Variants in CNTNAP5 observed in about 807,000 individuals in gnomAD.
CNTNAP5 encodes contactin associated protein family member 5.
In CNTNAP5, 72 loss-of-function variants were observed where a neutral mutation model predicts 150.2. The observed-to-expected ratio is 0.48, with a 90% CI of 0.40 to 0.58. The LOEUF (loss-of-function observed/expected upper bound fraction) is 0.58, where lower values mean the gene tolerates loss of function less well. Ranked by LOEUF, CNTNAP5 falls within the 20% of genes least tolerant of loss-of-function variation. The pLI, the probability that CNTNAP5 is intolerant of heterozygous loss-of-function variation, is 0.00. For synonymous variants in CNTNAP5, 672 were observed against 619.8 expected, an observed-to-expected ratio of 1.08 and a Z score of -1.25; for missense variants, 1,636 against 1,626.2, an observed-to-expected ratio of 1.01 and a Z score of -0.10.
chr2:124,625,354 C>A (rs1174518221), intron 12 of CNTNAP5, among the ~76,000 whole-genome samples: 1 of 152,050 alleles, frequency 6.6e-6, no homozygotes, highest in East Asian at 1.9e-4. Flanking sequence ...TTTTCTAAAG[C>A]ATGAGCTGGG....
intron 7 of CNTNAP5, among the ~76,000 whole-genome samples, chr2:124,488,892 T>C (rs1031138282): frequency 6.6e-6 from 1 of 152,108 alleles, no homozygotes; most frequent in Non-Finnish European, 1.5e-5. Flanking sequence ...TGCCTGGAGA[T>C]AGAGTGTTTG....
At chr2:124,470,394 T>C (rs1051759488) in intron 6 of CNTNAP5, among the ~76,000 whole-genome samples, 3 of 152,088 alleles carry the variant, frequency 2.0e-5, no homozygotes, top group African/African-American at 7.2e-5. Context: ...TGTTCATGTC[T>C]TTTGCCCCAC....
chr2:124,434,121 C>G (rs1377231693), intron 4 of CNTNAP5, among the ~76,000 whole-genome samples: 1 of 152,174 alleles, frequency 6.6e-6, no homozygotes, highest in Non-Finnish European at 1.5e-5. Flanking sequence ...GTGGTTCTGA[C>G]TGTCAGGAAG....
At chr2:124,361,748 A>T (rs2104715674) in intron 3 of CNTNAP5, among the ~76,000 whole-genome samples, 1 of 152,000 alleles carries the variant, frequency 6.6e-6, no homozygotes, top group Admixed American at 6.5e-5. Context: ...TGCAGAGGTT[A>T]CTACTGTCTT....
At position 124,500,601 on chromosome 2, in the gene CNTNAP5, G is replaced by A. The variant is rs746829174; in HGVS notation, c.1063-3691G>A. Among the ~76,000 whole-genome samples the A allele has an allele frequency of 6.6e-5, 10 of 152,078 alleles. No individual in the cohort carries two copies. The East Asian group carries it at 9.6e-4, about 15-fold the overall frequency. On this transcript the variant is annotated intron_variant, in intron 7 of 23. Transcript: ENST00000682447. ...AATTCTTGCTAAAACTGGAAAAAAC[G>A]GGACATGGACAGAGCCCAACATCAC... is the stretch of plus-strand genomic sequence containing the variant.
At chr2:124,245,046 T>G (rs1221971902) in intron 3 of CNTNAP5, among the ~76,000 whole-genome samples, 2 of 152,204 alleles carry the variant, frequency 1.3e-5, no homozygotes, top group African/African-American at 4.8e-5. Flanking sequence ...TTTTTATTTT[T>G]TGATTTTCAC....
chr2:124,665,042 C>T (rs933789025), intron 13 of CNTNAP5, among the ~76,000 whole-genome samples: 9 of 152,058 alleles, frequency 5.9e-5, no homozygotes, highest in Non-Finnish European at 1.3e-4. Flanking sequence ...GTAATTGGTG[C>T]ATAGCCTTAA....
chr2:124,493,536 T>C (rs1025570681), intron 7 of CNTNAP5, among the ~76,000 whole-genome samples: 2 of 151,922 alleles, frequency 1.3e-5, no homozygotes, highest in Admixed American at 1.3e-4. Context: ...GAGACGGGGT[T>C]TCACCATGTT....
Position 124,420,022 on chromosome 2 carries a change from C to T in CNTNAP5, c.529+2432C>T, listed in dbSNP as rs186521458. ...TTTTTTTTTTTTTGAGATGGAGCCTCGCTCTCTTGCCCAGGCTGGAGTGCA... is the reference window on the plus strand; with the variant it reads ...TTTTTTTTTTTTTGAGATGGAGCCTTGCTCTCTTGCCCAGGCTGGAGTGCA... On this transcript the variant is annotated intron_variant, in intron 4 of 23. Transcript: ENST00000682447. Among the ~76,000 whole-genome samples the T allele has an allele frequency of 9.7e-5, 11 of 113,012 alleles. No individual in the cohort carries two copies. In the East Asian group the frequency reaches 2.5e-3, roughly 26 times the overall value. 74.1% of individuals were successfully genotyped at this position (113,012 alleles called of 152,430 possible). A position where few individuals can be genotyped will look rare whatever the true frequency, so the allele number is the denominator to read the frequency against.
intron 3 of CNTNAP5, among the ~76,000 whole-genome samples, chr2:124,300,840 G>T (rs1392270590): frequency 6.6e-6 from 1 of 152,168 alleles, no homozygotes. Context: ...GAGGGCCAAA[G>T]GGCATGACTC....
intron 2 of CNTNAP5, among the ~76,000 whole-genome samples, chr2:124,241,599 T>G (rs1320840955): frequency 1.3e-5 from 2 of 152,148 alleles, no homozygotes; most frequent in African/African-American, 4.8e-5. Context: ...TCTCTCTCTC[T>G]TCAGCACCCA....
chr2:124,381,540 C>G (rs888739641), intron 3 of CNTNAP5, among the ~76,000 whole-genome samples: 1 of 152,098 alleles, frequency 6.6e-6, no homozygotes, highest in Admixed American at 6.5e-5. Context: ...TCACCCCCCC[C>G]TCCAAGACTG....
chr2:124,892,031 A>G (rs903606299), intron 21 of CNTNAP5, among the ~76,000 whole-genome samples: 2 of 152,084 alleles, frequency 1.3e-5, no homozygotes, highest in African/African-American at 2.4e-5. Flanking sequence ...GCTACAGTCT[A>G]TGGAGAGGGA....
chr2:124,398,285 A>G (rs938955287), intron 3 of CNTNAP5, among the ~76,000 whole-genome samples: 1 of 152,140 alleles, frequency 6.6e-6, no homozygotes, highest in Admixed American at 6.5e-5. Context: ...ATGAACAAGG[A>G]GAGTGCCACC....
At chr2:124,419,970 C>CTTTCTT (rs1553466668) in intron 4 of CNTNAP5, among the ~76,000 whole-genome samples, 1 of 62,524 alleles carries the variant, frequency 1.6e-5, no homozygotes, top group African/African-American at 6.5e-5. Context: ...TTCTCTCTCT[C>CTTTCTT]TCTTTCTTTC....
chr2:124,720,988 CA>C (rs1384569685), intron 13 of CNTNAP5, among the ~76,000 whole-genome samples: 2 of 152,054 alleles, frequency 1.3e-5, no homozygotes, highest in African/African-American at 4.8e-5. Context: ...CTCTTTGGCA[CA>C]TTCCTCTGCT....
intron 3 of CNTNAP5, among the ~76,000 whole-genome samples, chr2:124,401,102 G>T (rs555699718): frequency 2.6e-5 from 4 of 152,260 alleles, no homozygotes; most frequent in Non-Finnish European, 5.9e-5. Context: ...CTGACTTCAT[G>T]TGATCCACCT....
At chr2:124,620,728 TAC>T (rs1320966509) in intron 12 of CNTNAP5, among the ~76,000 whole-genome samples, 1,672 of 136,912 alleles carry the variant, frequency 0.012, 29 homozygotes, top group African/African-American at 0.042. Flanking sequence ...ATATATATGC[TAC>T]ACACACACAC....
chr2:124,443,193 T>C (rs1186254438), intron 5 of CNTNAP5, among the ~76,000 whole-genome samples: 2 of 150,792 alleles, frequency 1.3e-5, no homozygotes, highest in African/African-American at 4.8e-5. Context: ...ACTAGGAAGC[T>C]CATTAAATGA....
Sources: gnomAD v4.1 joint callset for allele counts (sites outside exome capture counted in the v4.1 genomes callset) on GRCh38, gnomAD v4.1.1 for gene constraint, MANE v1.5 for transcripts, NCBI Gene and HGNC (gene_info 2026-07-23, HGNC 2026-07-21) for gene names.